Variants in ADAMTSL1 observed in about 807,000 individuals in gnomAD.
ADAMTSL1 encodes ADAMTS like 1.
A neutral mutation model predicts 201.8 loss-of-function variants in ADAMTSL1; 126 were observed. That is an observed-to-expected ratio of 0.62 (90% CI 0.54 to 0.72). The LOEUF (loss-of-function observed/expected upper bound fraction) is 0.72, where lower values mean the gene tolerates loss of function less well. Ranked by LOEUF, ADAMTSL1 falls within the 30% of genes least tolerant of loss-of-function variation. The pLI, the probability that ADAMTSL1 is intolerant of heterozygous loss-of-function variation, is 0.00. For missense variants in ADAMTSL1, 2,679 were observed against 2,277.8 expected (o/e 1.18, Z -3.59); for synonymous variants, 1,121 against 903.4 (o/e 1.24, Z -4.32).
intron 2 of ADAMTSL1, among the ~76,000 whole-genome samples, chr9:18,280,714 G>A (rs150106556): frequency 2.4e-4 from 37 of 152,174 alleles, no homozygotes; most frequent in East Asian, 5.8e-4. Context: ...TATTAGTTAC[G>A]TAGAAATATA....
chr9:18,886,803 G>A (rs1828927818), intron 23 of ADAMTSL1, among the ~76,000 whole-genome samples: 1 of 152,154 alleles, frequency 6.6e-6, no homozygotes, highest in Non-Finnish European at 1.5e-5. Flanking sequence ...ATGAATCTAG[G>A]GGGTATACAC....
At chr9:18,488,713 T>C (rs1822120240) in intron 1 of ADAMTSL1, among the ~76,000 whole-genome samples, 2 of 152,118 alleles carry the variant, frequency 1.3e-5, no homozygotes, top group African/African-American at 4.8e-5. Context: ...ACATCAGCAA[T>C]TATTACTCTC....
At chr9:18,903,920 T>C (rs1381575832) in intron 26 of ADAMTSL1, among the ~76,000 whole-genome samples, 2 of 151,922 alleles carry the variant, frequency 1.3e-5, no homozygotes, top group African/African-American at 4.8e-5. Flanking sequence ...TCAACTATAC[T>C]CACTCTATAG....
At chr9:18,184,549 G>T (rs1381568458) in intron 2 of ADAMTSL1, among the ~76,000 whole-genome samples, 1 of 152,106 alleles carries the variant, frequency 6.6e-6, no homozygotes, top group Non-Finnish European at 1.5e-5. Context: ...CTTTTATTTT[G>T]CCTGTTGTCA....
chr9:18,182,542 GCTCCCACAGTAATA>G (rs1828544452), intron 2 of ADAMTSL1, among the ~76,000 whole-genome samples: 1 of 152,142 alleles, frequency 6.6e-6, no homozygotes, highest in South Asian at 2.1e-4. Context: ...AAGGAGAAAT[GCTCCCACAGTAATA>G]CTTTATGCCT....
At position 18,012,540 on chromosome 9, in the gene ADAMTSL1, C is replaced by T. The variant is rs141863775; in HGVS notation, c.87+105618C>T. ...CTTGTGCTGGAGCCCAAGACTCGTA[C>T]GTGAACATTGCTTTCCAACTACGGA... On this transcript the variant is annotated intron_variant, in intron 1 of 29. Coordinates refer to the ADAMTSL1 transcript ENST00000680146. 1.2e-4 allele frequency among the ~76,000 whole-genome samples: 19 copies of T among 152,136 alleles called. No individual in the cohort carries two copies. The East Asian group carries it at 3.1e-3, about 25-fold the overall frequency.
chr9:17,951,495 A>C (rs1827725928), intron 1 of ADAMTSL1, among the ~76,000 whole-genome samples: 1 of 152,178 alleles, frequency 6.6e-6, no homozygotes, highest in Non-Finnish European at 1.5e-5. Context: ...CAAAATGGTG[A>C]GTTTTAAATT....
intron 1 of ADAMTSL1, among the ~76,000 whole-genome samples, chr9:17,977,389 C>A (rs1755274): frequency 0.83 from 126,262 of 152,066 alleles, 52,708 homozygotes; most frequent in East Asian, 0.94. Context: ...AGAAGGATTG[C>A]TATTAGTTAT....
At chr9:18,420,412 G>A (rs1443528007) in intron 2 of ADAMTSL1, among the ~76,000 whole-genome samples, 1 of 152,180 alleles carries the variant, frequency 6.6e-6, no homozygotes, top group Non-Finnish European at 1.5e-5. Flanking sequence ...TATGGTGATA[G>A]GGTGGACTCT....
chr9:17,977,453 T>C (rs562652117), intron 1 of ADAMTSL1, among the ~76,000 whole-genome samples: 1 of 152,272 alleles, frequency 6.6e-6, no homozygotes, highest in East Asian at 1.9e-4. Context: ...GATTTTTGAT[T>C]ATTGATTCAA....
chr9:18,749,483 C>T (rs1246516078), intron 15 of ADAMTSL1, among the ~76,000 whole-genome samples: 1 of 152,124 alleles, frequency 6.6e-6, no homozygotes, highest in Non-Finnish European at 1.5e-5. Flanking sequence ...GACCAGATCC[C>T]CTGTCCTCCT....
intron 1 of ADAMTSL1, among the ~76,000 whole-genome samples, chr9:17,968,032 A>G (rs181671122): frequency 7.4e-4 from 112 of 152,192 alleles, no homozygotes; most frequent in African/African-American, 2.5e-3. Flanking sequence ...TGTTACTCCA[A>G]TCTTGGGTGA....
At chr9:18,654,486 T>C (rs1301907057) in intron 7 of ADAMTSL1, among the ~76,000 whole-genome samples, 1 of 152,236 alleles carries the variant, frequency 6.6e-6, no homozygotes, top group Admixed American at 6.5e-5. Context: ...ATACCTACTA[T>C]GTGCCAGACA....
At chr9:18,341,478 C>T (rs1245400023) in intron 2 of ADAMTSL1, among the ~76,000 whole-genome samples, 1 of 151,992 alleles carries the variant, frequency 6.6e-6, no homozygotes, top group Non-Finnish European at 1.5e-5. Context: ...TCTGGCCTTC[C>T]ACATCCAGAA....
chr9:18,740,093 T>A (rs1360900050), intron 15 of ADAMTSL1, among the ~76,000 whole-genome samples: 1 of 152,172 alleles, frequency 6.6e-6, no homozygotes, highest in Non-Finnish European at 1.5e-5. Flanking sequence ...CTTGAATTGG[T>A]TTCATGGTCT....
chr9:18,474,378 T>C (rs1821348170), intron 1 of ADAMTSL1, 83 bp downstream of exon 1: 1 of 1,256,798 alleles, frequency 8.0e-7, no homozygotes, highest in Non-Finnish European at 1.2e-6. Context: ...TGTGTGTTTG[T>C]GTGTGTGTGT....
At chr9:18,686,180 C>G (rs1400169165) in intron 13 of ADAMTSL1, among the ~76,000 whole-genome samples, 1 of 152,184 alleles carries the variant, frequency 6.6e-6, no homozygotes, top group Non-Finnish European at 1.5e-5. Flanking sequence ...CTCAGCCTCC[C>G]AAAGTACTGG....
At chr9:18,400,052 A>AT (rs1486483819) in intron 2 of ADAMTSL1, among the ~76,000 whole-genome samples, 3 of 131,822 alleles carry the variant, frequency 2.3e-5, no homozygotes, top group Non-Finnish European at 3.4e-5. Context: ...ATAAAATGTG[A>AT]TTTTTAGCTA....
chr9:18,662,233 A>G (rs1335243473), intron 9 of ADAMTSL1, among the ~76,000 whole-genome samples, 160 bp downstream of exon 9: 2 of 152,188 alleles, frequency 1.3e-5, no homozygotes, highest in Non-Finnish European at 2.9e-5. Flanking sequence ...ATTAGTACCC[A>G]TACTCCTTGC....
Sources: allele counts gnomAD v4.1 joint callset (sites outside exome capture counted in the v4.1 genomes callset), GRCh38; gene constraint gnomAD v4.1.1; transcripts MANE v1.5; gene names NCBI Gene and HGNC (gene_info 2026-07-23, HGNC 2026-07-21).